Variants in GAD2 observed in about 807,000 individuals in gnomAD.
The protein encoded by GAD2 is 65 kDa glutamic acid decarboxylase.
In GAD2, 22 loss-of-function variants were observed where a neutral mutation model predicts 80.1. The ratio of observed to expected loss-of-function variants is 0.27; its 90% CI spans 0.20 to 0.39. The LOEUF (loss-of-function observed/expected upper bound fraction) is 0.39, where lower values mean the gene tolerates loss of function less well. Among genes scored for constraint, GAD2 ranks in the 10% least tolerant of loss-of-function variants. The probability of loss-of-function intolerance (pLI) is 1.00; values close to 1 mark genes in which losing one functional copy is unlikely to be tolerated. For synonymous variants in GAD2, 274 were observed against 256.9 expected (o/e 1.07, Z -0.64); for missense variants, 624 against 738.4 (o/e 0.85, Z 1.80).
intron 11 of GAD2, among the ~76,000 whole-genome samples, chr10:26,273,980 T>C (rs1251175736): frequency 1.3e-5 from 2 of 152,232 alleles, no homozygotes; most frequent in Non-Finnish European, 2.9e-5. Flanking sequence ...CTAGGGTCTA[T>C]TCCTGGGATC....
At chr10:26,300,741 G>A in intron 15 of GAD2, 47 bp from the exon 16 acceptor site, 1 of 1,575,560 alleles carries the variant, frequency 6.3e-7, no homozygotes, top group Non-Finnish European at 8.7e-7. Context: ...TGACTCAGGG[G>A]AGAGTCCCAG....
chr10:26,289,948 A>T (rs2132318503), intron 13 of GAD2, among the ~76,000 whole-genome samples: 1 of 152,208 alleles, frequency 6.6e-6, no homozygotes, highest in South Asian at 2.1e-4. Flanking sequence ...ATTTATAACA[A>T]CCAAGGTTTC....
chr10:26,300,583 C>G (rs1267141520), intron 15 of GAD2, among the ~76,000 whole-genome samples: 2 of 152,078 alleles, frequency 1.3e-5, no homozygotes, highest in Non-Finnish European at 2.9e-5. Flanking sequence ...ACTTATTATT[C>G]CTCTTATCAC....
At chr10:26,234,034 A>G (rs2132278956) in intron 7 of GAD2, among the ~76,000 whole-genome samples, 1 of 152,294 alleles carries the variant, frequency 6.6e-6, no homozygotes, top group East Asian at 1.9e-4. Context: ...TTAAAAAACA[A>G]CAACCTCAGC....
chr10:26,280,951 C>G (rs1845263901), intron 11 of GAD2, 58 bp from the exon 12 acceptor site: 4 of 1,116,014 alleles, frequency 3.6e-6, no homozygotes. Flanking sequence ...CTCAGTTGCG[C>G]ATGCCCTGAG....
intron 8 of GAD2, among the ~76,000 whole-genome samples, chr10:26,268,360 C>T (rs912375683): frequency 6.6e-6 from 1 of 150,558 alleles, no homozygotes; most frequent in East Asian, 2.0e-4. Context: ...CCCAGCTACT[C>T]GGGAGGCTGA....
At chr10:26,269,310 C>A in intron 9 of GAD2, 137 bp downstream of exon 9, 1 of 620,016 alleles carries the variant, frequency 1.6e-6, no homozygotes, top group Non-Finnish European at 2.7e-6. Context: ...TAGAATTCTG[C>A]ATCCAGTCAC....
At chr10:26,238,887 T>C (rs1464319783) in intron 7 of GAD2, among the ~76,000 whole-genome samples, 1 of 151,916 alleles carries the variant, frequency 6.6e-6, no homozygotes, top group East Asian at 1.9e-4. Context: ...TAGGGTGTAC[T>C]GTATAGGAGC....
At position 26,303,949 on chromosome 10, in the gene GAD2, A is replaced by G. The variant is rs534493633; in HGVS notation, c.*2988A>G. 1 of 151,482 alleles carries G rather than the reference A, an allele frequency of 6.6e-6. No individual in the cohort carries two copies. The highest frequency in any genetic ancestry group is 2.1e-4 in the South Asian group (1 of 4,762). The allele number at this position is 151,482 out of a possible 1,614,324, so 9.4% of individuals were successfully genotyped here. ...TGTGGTAGCTGTATTGAACTTTGAT[A>G]TTATGAAAACTACATTTGCATCTGT... On this transcript the variant is annotated 3_prime_UTR_variant, in exon 16 of 16. Transcript: ENST00000376261.
chr10:26,236,387 G>A (rs534422465), intron 7 of GAD2, among the ~76,000 whole-genome samples: 6 of 147,628 alleles, frequency 4.1e-5, no homozygotes, highest in East Asian at 2.0e-4. Context: ...TGCAACCTCC[G>A]CCTCCCGGGA....
chr10:26,222,398 G>GA lies in GAD2; in HGVS notation c.521-1480dup, dbSNP rs199764021. On this transcript the variant is annotated intron_variant, in intron 4 of 15. Transcript: ENST00000376261. Reference sequence around the variant, plus strand: ...ATAATCCTTATTAATTTCCTCACTTGAAAAAAAAAGGGTTAGGGAAAGAGA... The same window carrying GA: ...ATAATCCTTATTAATTTCCTCACTTGAAAAAAAAAAGGGTTAGGGAAAGAGA... 3.5e-4 allele frequency among the ~76,000 whole-genome samples: 53 copies of GA among 149,976 alleles called. 1 individual carries two copies. The South Asian group carries it at 8.3e-3, about 23-fold the overall frequency.
intron 15 of GAD2, among the ~76,000 whole-genome samples, chr10:26,295,508 G>GCACACA (rs61216190): frequency 0.038 from 5,038 of 133,834 alleles, 151 homozygotes; most frequent in East Asian, 0.04. Context: ...TCATACGCAT[G>GCACACA]CACACACACA....
At chr10:26,232,840 G>A (rs73594330) in intron 7 of GAD2, among the ~76,000 whole-genome samples, 247 of 152,140 alleles carry the variant, frequency 1.6e-3, no homozygotes, top group African/African-American at 5.7e-3. Flanking sequence ...CAATTCGGCC[G>A]TATAACAACC....
chr10:26,229,606 C>T, intron 6 of GAD2, 56 bp from the exon 7 acceptor site: 1 of 1,211,670 alleles, frequency 8.3e-7, no homozygotes, highest in Non-Finnish European at 1.2e-6. Context: ...ATGTTGCTTG[C>T]ATGTGAAATG....
At chr10:26,295,434 T>A (rs74126410) in intron 15 of GAD2, among the ~76,000 whole-genome samples, 4,888 of 151,984 alleles carry the variant, frequency 0.032, 270 homozygotes, top group African/African-American at 0.11. Flanking sequence ...TTTCAGACTT[T>A]CTGGAAAGTT....
chr10:26,298,020 G>A (rs1834293473), intron 15 of GAD2, among the ~76,000 whole-genome samples: 1 of 152,206 alleles, frequency 6.6e-6, no homozygotes, highest in Non-Finnish European at 1.5e-5. Flanking sequence ...AACACAGTTT[G>A]TGCACCGCAT....
chr10:26,238,021 C>A (rs1844696484), intron 7 of GAD2, among the ~76,000 whole-genome samples: 1 of 151,374 alleles, frequency 6.6e-6, no homozygotes. Context: ...CACACACACA[C>A]ACACACACAC....
intron 8 of GAD2, among the ~76,000 whole-genome samples, chr10:26,255,437 G>A (rs1037350904): frequency 6.6e-6 from 1 of 152,094 alleles, no homozygotes; most frequent in African/African-American, 2.4e-5. Context: ...ATACAGGCAA[G>A]GTCCAGGAGG....
chr10:26,285,380 T>C (rs71499386), intron 12 of GAD2, among the ~76,000 whole-genome samples: 8 of 152,200 alleles, frequency 5.3e-5, no homozygotes, highest in Non-Finnish European at 8.8e-5. Flanking sequence ...TCTTTTGTCG[T>C]GAGTCACAAA....
Sources: gnomAD v4.1 joint callset for allele counts (sites outside exome capture counted in the v4.1 genomes callset) on GRCh38, gnomAD v4.1.1 for gene constraint, MANE v1.5 for transcripts, NCBI Gene and HGNC (gene_info 2026-07-23, HGNC 2026-07-21) for gene names.